CDH13: variants seen among roughly 807,000 people sequenced by gnomAD.
CDH13 encodes the protein cadherin 13.
Under a neutral mutation model 63.8 loss-of-function variants are expected in CDH13, and 24 were observed. That is an observed-to-expected ratio of 0.38 (90% CI 0.27 to 0.53). The LOEUF (loss-of-function observed/expected upper bound fraction) is 0.53. CDH13 is among the 20% of genes least tolerant of loss of function. CDH13 has a pLI of 0.85. For missense variants in CDH13, 1,049 were observed against 903.1 expected, an observed-to-expected ratio of 1.16 and a Z score of -2.07; for synonymous variants, 503 against 355.3, an observed-to-expected ratio of 1.42 and a Z score of -4.67.
At chr16:83,122,970 C>G (rs375663939) in intron 3 of CDH13, among the ~76,000 whole-genome samples, 1 of 152,102 alleles carries the variant, frequency 6.6e-6, no homozygotes, top group South Asian at 2.1e-4. Context: ...TCTTATTCCA[C>G]TCTGTATGTT....
At chr16:82,651,258 A>G (rs11864085) in intron 1 of CDH13, among the ~76,000 whole-genome samples, 18,353 of 152,254 alleles carry the variant, frequency 0.12, 1,148 homozygotes, top group African/African-American at 0.15. Flanking sequence ...CCAGCTAAGT[A>G]CTTTCACATG....
intron 6 of CDH13, among the ~76,000 whole-genome samples, chr16:83,419,243 T>A (rs556778591): frequency 6.6e-6 from 1 of 152,284 alleles, no homozygotes; most frequent in Non-Finnish European, 1.5e-5. Flanking sequence ...TTTACTGAGA[T>A]GACATTTACT....
chr16:83,531,099 G>C (rs2075074042), intron 7 of CDH13, among the ~76,000 whole-genome samples: 1 of 152,178 alleles, frequency 6.6e-6, no homozygotes, highest in African/African-American at 2.4e-5. Flanking sequence ...CATCTAATAA[G>C]CAATCAAATG....
In CDH13 at chr16:83,600,964, A is replaced by C. The variant is rs769755757; in HGVS notation, c.961-1490A>C. On this transcript the variant is annotated intron_variant, in intron 7 of 13. Transcript: ENST00000567109. ...CTGCATTACCCCTCCTGTGGTCATG[A>C]GATGACTCCTCTAGCTCCCCCTGCC... Among the ~76,000 whole-genome samples the C allele has an allele frequency of 2.6e-5, 4 of 152,248 alleles. No individual in the cohort carries two copies. In the South Asian group the frequency reaches 8.3e-4, roughly 32 times the overall value.
chr16:83,333,249 C>T (rs1044874441), intron 5 of CDH13, among the ~76,000 whole-genome samples: 18 of 151,396 alleles, frequency 1.2e-4, no homozygotes, highest in African/African-American at 4.1e-4. Flanking sequence ...AAGTTGTTGG[C>T]GTCAGAGAGA....
chr16:82,710,053 A>C (rs1352509421), intron 1 of CDH13, among the ~76,000 whole-genome samples: 1 of 151,292 alleles, frequency 6.6e-6, no homozygotes, highest in East Asian at 1.9e-4. Context: ...ATGCATACAC[A>C]CACACACACT....
chr16:83,340,254 G>T (rs1463658289), intron 5 of CDH13, among the ~76,000 whole-genome samples: 1 of 152,104 alleles, frequency 6.6e-6, no homozygotes, highest in Non-Finnish European at 1.5e-5. Flanking sequence ...GTGTATATTT[G>T]TATGTGTGTG....
At chr16:83,238,831 A>C (rs892878933) in intron 5 of CDH13, among the ~76,000 whole-genome samples, 3 of 152,308 alleles carry the variant, frequency 2.0e-5, no homozygotes, top group African/African-American at 2.4e-5. Context: ...TCTCCAAGTC[A>C]TGGAGAACTT....
intron 1 of CDH13, among the ~76,000 whole-genome samples, chr16:82,811,535 G>A (rs1407072940): frequency 6.6e-6 from 1 of 152,128 alleles, no homozygotes; most frequent in Non-Finnish European, 1.5e-5. Flanking sequence ...TACATTCATA[G>A]TTGAAGAACC....
chr16:82,924,885 A>T (rs1035626282), intron 2 of CDH13, among the ~76,000 whole-genome samples: 4 of 152,154 alleles, frequency 2.6e-5, no homozygotes, highest in Admixed American at 6.5e-5. Context: ...AAAGCTGGTA[A>T]TTCTTGTTTT....
At chr16:83,743,521 A>G (rs1567566388) in intron 10 of CDH13, among the ~76,000 whole-genome samples, 1 of 152,224 alleles carries the variant, frequency 6.6e-6, no homozygotes, top group Admixed American at 6.5e-5. Context: ...CATGGGACAA[A>G]AAAGGAATGA....
At chr16:82,982,568 G>C (rs1306722828) in intron 2 of CDH13, among the ~76,000 whole-genome samples, 1 of 152,120 alleles carries the variant, frequency 6.6e-6, no homozygotes, top group Non-Finnish European at 1.5e-5. Flanking sequence ...AGTTCTATGT[G>C]GAAGATTTTT....
chr16:83,683,434 G>A (rs1407157764), intron 10 of CDH13, among the ~76,000 whole-genome samples: 3 of 152,162 alleles, frequency 2.0e-5, no homozygotes, highest in East Asian at 1.9e-4. Context: ...CCTCAATCAC[G>A]TATGTGAGTA....
intron 1 of CDH13, chr16:82,639,333 T>A (rs1261700518): frequency 2.7e-6 from 4 of 1,495,838 alleles, no homozygotes; most frequent in Admixed American, 2.0e-5. Flanking sequence ...TTGTGTTCTT[T>A]GTCTCCATGT....
At chr16:82,823,505 C>T (rs1282722172) in intron 1 of CDH13, 1 of 152,038 alleles carries the variant, frequency 6.6e-6, no homozygotes. Context: ...AACAATTGAA[C>T]CTAAGTGTGT....
intron 5 of CDH13, among the ~76,000 whole-genome samples, chr16:83,258,022 T>G (rs904629456): frequency 6.6e-6 from 1 of 152,222 alleles, no homozygotes; most frequent in Non-Finnish European, 1.5e-5. Context: ...ATGACACTGA[T>G]CATTTTGAAG....
intron 2 of CDH13, among the ~76,000 whole-genome samples, chr16:82,959,910 G>C (rs1455070862): frequency 6.6e-6 from 1 of 152,122 alleles, no homozygotes; most frequent in Non-Finnish European, 1.5e-5. Flanking sequence ...TTCATTCTCT[G>C]AGATGAATTC....
intron 1 of CDH13, among the ~76,000 whole-genome samples, chr16:82,815,563 C>T (rs561009362): frequency 3.9e-5 from 6 of 152,222 alleles, no homozygotes; most frequent in African/African-American, 9.6e-5. Context: ...CATTAAAGCC[C>T]ACTGCTCTCA....
intron 1 of CDH13, among the ~76,000 whole-genome samples, chr16:82,792,867 A>G (rs1268922915): frequency 6.6e-6 from 1 of 152,202 alleles, no homozygotes; most frequent in African/African-American, 2.4e-5. Context: ...GCGCTAATTG[A>G]TTTGTAAGAA....
Sources: gnomAD v4.1 joint callset for allele counts (sites outside exome capture counted in the v4.1 genomes callset) on GRCh38, gnomAD v4.1.1 for gene constraint, MANE v1.5 for transcripts, NCBI Gene and HGNC (gene_info 2026-07-23, HGNC 2026-07-21) for gene names.